LARP4B: variants seen among roughly 807,000 people sequenced by gnomAD.
LARP4B encodes the protein la-related protein 4B.
LARP4B carries 12 observed loss-of-function variants against 89.8 expected under a neutral mutation model. That is an observed-to-expected ratio of 0.13 (90% CI 0.09 to 0.22). The LOEUF (loss-of-function observed/expected upper bound fraction) is 0.22, where lower values mean the gene tolerates loss of function less well. Among genes scored for constraint, LARP4B ranks in the 10% least tolerant of loss-of-function variants. The pLI is 1.00. For synonymous variants in LARP4B, 367 were observed against 363.3 expected, an observed-to-expected ratio of 1.01 and a Z score of -0.12; for missense variants, 757 against 947.7, an observed-to-expected ratio of 0.80 and a Z score of 2.64.
At chr10:897,662 C>CT (rs1229860825) in intron 1 of LARP4B, among the ~76,000 whole-genome samples, 1 of 152,046 alleles carries the variant, frequency 6.6e-6, no homozygotes, top group African/African-American at 2.4e-5. Context: ...ATTCCTAAAA[C>CT]TTATAATGAG....
In LARP4B at chr10:831,156, A is replaced by C. The variant is rs1042182217; in HGVS notation, c.751-179T>G. ...GTTCAGCAGGGCTTCCAGAATCAGAATCACAATGCCATAGAGAAAAGCAGT... is the reference window on the plus strand; with the variant it reads ...GTTCAGCAGGGCTTCCAGAATCAGACTCACAATGCCATAGAGAAAAGCAGT... On this transcript the variant is annotated intron_variant, in intron 8 of 17. Transcript: ENST00000316157. Among the ~76,000 whole-genome samples the C allele has an allele frequency of 2.6e-5, 4 of 152,218 alleles. 1 individual carries two copies. The highest frequency in any genetic ancestry group is 5.9e-5 in the Non-Finnish European group (4 of 68,044).
At chr10:923,213 C>A (rs1042135032) in intron 1 of LARP4B, among the ~76,000 whole-genome samples, 3 of 152,166 alleles carry the variant, frequency 2.0e-5, no homozygotes, top group African/African-American at 7.2e-5. Context: ...CCTAAAAGCA[C>A]AAGAGACAAT....
the LARP4B span, among the ~76,000 whole-genome samples, chr10:969,728 C>CA: frequency 1.7e-4 from 26 of 148,994 alleles, no homozygotes; most frequent in South Asian, 2.1e-4. Flanking sequence ...GACTCTGTCT[C>CA]AAAAAAAAAT....
chr10:836,838 T>C (rs1394267968), intron 7 of LARP4B, among the ~76,000 whole-genome samples: 1 of 152,246 alleles, frequency 6.6e-6, no homozygotes, highest in Non-Finnish European at 1.5e-5. Flanking sequence ...CTGTGTGCCC[T>C]TCCCTGGCTC....
chr10:856,160 A>G lies in LARP4B; in HGVS notation c.430+7583T>C, dbSNP rs143947508. Among the ~76,000 whole-genome samples, 847 of 152,364 alleles carry G rather than the reference A, an allele frequency of 5.6e-3. 6 individuals are homozygous for G. Among genetic ancestry groups the G allele is most frequent in the African/African-American group, 0.019 (796 of 41,576 alleles). On this transcript the variant is annotated intron_variant, in intron 5 of 17. Transcript: ENST00000316157. ...AAGAGCCATAAAAGAAAAAAATGAT[A>G]AACTTGATTACACAAGAAATTTTAA... is the stretch of plus-strand genomic sequence containing the variant.
chr10:979,863 C>A, the LARP4B span, among the ~76,000 whole-genome samples: 1 of 152,048 alleles, frequency 6.6e-6, no homozygotes, highest in East Asian at 1.9e-4. Context: ...CCCAGCTACT[C>A]GGGAGGCTGA....
At chr10:964,447 G>A in the LARP4B span, among the ~76,000 whole-genome samples, 1 of 151,878 alleles carries the variant, frequency 6.6e-6, no homozygotes, top group Admixed American at 6.6e-5. Context: ...GTGGGCTAGG[G>A]CACAGTCCCC....
intron 1 of LARP4B, among the ~76,000 whole-genome samples, chr10:893,504 T>C (rs945653173): frequency 2.6e-5 from 4 of 152,204 alleles, no homozygotes; most frequent in Admixed American, 2.0e-4. Context: ...TCCTTTGCAA[T>C]ACACCACTAT....
At chr10:889,881 G>A (rs1168014262) in intron 1 of LARP4B, among the ~76,000 whole-genome samples, 2 of 152,176 alleles carry the variant, frequency 1.3e-5, no homozygotes, top group African/African-American at 4.8e-5. Context: ...GGCAGAGGTT[G>A]CAGTGAGCCG....
chr10:883,403 C>T (rs1210898461), intron 3 of LARP4B, among the ~76,000 whole-genome samples: 2 of 151,966 alleles, frequency 1.3e-5, no homozygotes, highest in Non-Finnish European at 2.9e-5. Context: ...CCCAGCTACT[C>T]GGGAGGCTGA....
At chr10:828,159 A>G (rs1236831956) in intron 11 of LARP4B, among the ~76,000 whole-genome samples, 1 of 152,222 alleles carries the variant, frequency 6.6e-6, no homozygotes, top group Non-Finnish European at 1.5e-5. Flanking sequence ...GCACCTGCGC[A>G]GTTAGGCCTG....
At chr10:940,295 G>A in the LARP4B span, among the ~76,000 whole-genome samples, 1 of 152,200 alleles carries the variant, frequency 6.6e-6, no homozygotes, top group African/African-American at 2.4e-5. Flanking sequence ...GGGATTACAG[G>A]CATGAGCCAC....
intron 14 of LARP4B, chr10:818,298 T>G (rs1832167938): frequency 6.3e-6 from 1 of 157,624 alleles, no homozygotes; most frequent in Non-Finnish European, 1.4e-5. Context: ...AGTGTTGTGT[T>G]ACTACAGCAT....
At chr10:891,521 C>A (rs979801950) in intron 1 of LARP4B, among the ~76,000 whole-genome samples, 3 of 152,160 alleles carry the variant, frequency 2.0e-5, no homozygotes, top group African/African-American at 7.2e-5. Context: ...GAAAATAATA[C>A]AATGTGTGAA....
At chr10:981,891 CTTTA>C in the LARP4B span, among the ~76,000 whole-genome samples, 1 of 152,080 alleles carries the variant, frequency 6.6e-6, no homozygotes, top group East Asian at 1.9e-4. Context: ...TGAGACTGTT[CTTTA>C]TCCCTAGCTG....
chr10:817,536 G>A (rs1399739703), intron 15 of LARP4B, among the ~76,000 whole-genome samples, 189 bp downstream of exon 15: 1 of 152,294 alleles, frequency 6.6e-6, no homozygotes, highest in Non-Finnish European at 1.5e-5. Context: ...GCAATGTTAA[G>A]GAGAAGGCCC....
intron 1 of LARP4B, among the ~76,000 whole-genome samples, chr10:887,961 T>C (rs1240362245): frequency 6.9e-6 from 1 of 145,334 alleles, no homozygotes; most frequent in Non-Finnish European, 1.5e-5. Context: ...GAGGTGGAGG[T>C]TGCAGTTAGC....
At chr10:854,924 T>C (rs1377192537) in intron 5 of LARP4B, among the ~76,000 whole-genome samples, 3 of 152,258 alleles carry the variant, frequency 2.0e-5, no homozygotes, top group African/African-American at 7.2e-5. Flanking sequence ...GTAGCCATCT[T>C]CATCAATTAT....
chr10:900,359 T>TA (rs1184845319), intron 1 of LARP4B, among the ~76,000 whole-genome samples: 35 of 99,916 alleles, frequency 3.5e-4, no homozygotes, highest in Non-Finnish European at 5.8e-4. Context: ...AAAATAAAAA[T>TA]AAAAAAATGA....
Sources: allele counts gnomAD v4.1 joint callset (sites outside exome capture counted in the v4.1 genomes callset), GRCh38; gene constraint gnomAD v4.1.1; transcripts MANE v1.5; gene names NCBI Gene and HGNC (gene_info 2026-07-23, HGNC 2026-07-21).